LEMD3: variants seen among roughly 807,000 people sequenced by gnomAD.
The protein encoded by LEMD3 is inner nuclear membrane protein Man1.
In LEMD3, 33 loss-of-function variants were observed where a neutral mutation model predicts 95.2. That is an observed-to-expected ratio of 0.35 (90% CI 0.26 to 0.46). LEMD3 has a LOEUF of 0.46. Among genes scored for constraint, LEMD3 ranks in the 20% least tolerant of loss-of-function variants. The pLI is 1.00. For synonymous variants in LEMD3, 525 were observed against 474.6 expected, an observed-to-expected ratio of 1.11 and a Z score of -1.38; for missense variants, 1,210 against 1,192.8, an observed-to-expected ratio of 1.01 and a Z score of -0.21.
In LEMD3 at chr12:65,170,604, G is replaced by A. The variant is rs773266350; in HGVS notation, c.1008G>A (p.Glu336=). ...TAGACAGGAGCCGAAACCTCGAAGA[G>A]GCGGCGGCCGCGGAGCAGGGAGGAG... ...GSLDRSRNLE[E]AAAAEQGGGC... is the part of the protein sequence containing the mutation. Residue 336 remains glutamate (E), a synonymous_variant, in exon 1 of 13, where the codon GAG becomes GAA. Transcript: ENST00000308330. 6.2e-6 allele frequency: 10 copies of A among 1,613,916 alleles called. No homozygotes were observed. Among genetic ancestry groups the A allele is most frequent in the Admixed American group, 1.7e-5 (1 of 60,012 alleles).
At chr12:65,227,103 G>A (rs1870471131) in intron 4 of LEMD3, among the ~76,000 whole-genome samples, 1 of 152,126 alleles carries the variant, frequency 6.6e-6, no homozygotes, top group African/African-American at 2.4e-5. Flanking sequence ...GTTATGGGAT[G>A]GACGAATGTC....
chr12:65,201,100 G>C (rs1869587385), intron 1 of LEMD3, among the ~76,000 whole-genome samples: 1 of 152,094 alleles, frequency 6.6e-6, no homozygotes, highest in Non-Finnish European at 1.5e-5. Flanking sequence ...TCAAAGATCA[G>C]TTGACTGTAT....
At chr12:65,191,351 A>G (rs1453596819) in intron 1 of LEMD3, among the ~76,000 whole-genome samples, 1 of 152,124 alleles carries the variant, frequency 6.6e-6, no homozygotes, top group Non-Finnish European at 1.5e-5. Context: ...TTTTTGTGAC[A>G]TCAGTATTTT....
At chr12:65,193,756 G>GTGTGTGTT (rs1555193005) in intron 1 of LEMD3, among the ~76,000 whole-genome samples, 1 of 150,770 alleles carries the variant, frequency 6.6e-6, no homozygotes, top group Non-Finnish European at 1.5e-5. Context: ...GTGTGTGTGT[G>GTGTGTGTT]TGTGTGTGTG....
chr12:65,195,607 A>G (rs1159006388), intron 1 of LEMD3, among the ~76,000 whole-genome samples: 1 of 152,168 alleles, frequency 6.6e-6, no homozygotes, highest in Non-Finnish European at 1.5e-5. Flanking sequence ...TTTATATCTC[A>G]AAGGCACAGA....
At chr12:65,238,602 T>C (rs1870841535) in intron 5 of LEMD3, 21 bp downstream of exon 5, 8 of 1,611,032 alleles carry the variant, frequency 5.0e-6, no homozygotes, top group East Asian at 2.2e-5. Context: ...TGATTTCCAC[T>C]TTGACCATTC....
chr12:65,198,045 C>T (rs1180797181), intron 1 of LEMD3, among the ~76,000 whole-genome samples: 1 of 152,118 alleles, frequency 6.6e-6, no homozygotes, highest in African/African-American at 2.4e-5. Context: ...TTGCATTGCA[C>T]ATCTCCAAAT....
intron 4 of LEMD3, among the ~76,000 whole-genome samples, chr12:65,225,084 TAAAA>T (rs1269153296): frequency 6.6e-6 from 1 of 152,172 alleles, no homozygotes; most frequent in Non-Finnish European, 1.5e-5. Context: ...TTCTGGGTTT[TAAAA>T]ATATTTTCTG....
At chr12:65,221,353 T>C (rs1225692973) in intron 4 of LEMD3, among the ~76,000 whole-genome samples, 1 of 152,164 alleles carries the variant, frequency 6.6e-6, no homozygotes, top group Non-Finnish European at 1.5e-5. Flanking sequence ...ATATTGATTT[T>C]ATATCTTCCA....
At position 65,210,979 on chromosome 12, in the gene LEMD3, T is replaced by C. The variant is rs779358950; in HGVS notation, c.1560+16T>C. ...AAAAATACAAGTAAGTAAACGATCATAATACTGATAATTTTGTGTCATGTT... is the reference window on the plus strand; with the variant it reads ...AAAAATACAAGTAAGTAAACGATCACAATACTGATAATTTTGTGTCATGTT... On this transcript the variant is annotated intron_variant, in intron 2 of 12. Coordinates refer to ENST00000308330, the MANE Select transcript of LEMD3 (RefSeq NM_014319.5). 3.3e-6 allele frequency: 5 copies of C among 1,537,532 alleles called. No homozygotes were observed. Among genetic ancestry groups the C allele is most frequent in the Non-Finnish European group, 4.5e-6 (5 of 1,110,636 alleles).
chr12:65,240,984 A>G lies in LEMD3; in HGVS notation c.2202A>G (p.Thr734=). Residue 734 remains threonine, a synonymous_variant, in exon 9 of 13, where the codon ACA becomes ACG. Coordinates refer to ENST00000308330, the MANE Select transcript of LEMD3 (RefSeq NM_014319.5). ...ATGAGTCTAGAGTTCGCACGGAAAC[A>G]CGAAGAATAGGTGGTGCAGATTTTC... ...AANESRVRTE[T]RRIGGADFLV... 1.2e-6 allele frequency: 2 copies of G among 1,614,138 alleles called. No individual in the cohort carries two copies. The highest frequency in any genetic ancestry group is 1.7e-6 in the Non-Finnish European group (2 of 1,179,966).
intron 1 of LEMD3, among the ~76,000 whole-genome samples, chr12:65,197,225 C>T (rs1030289647): frequency 6.6e-5 from 10 of 152,096 alleles, no homozygotes; most frequent in Non-Finnish European, 1.5e-4. Flanking sequence ...TAATAGTAGT[C>T]ATATTTCCCA....
chr12:65,232,098 A>G (rs1870647216), intron 4 of LEMD3, among the ~76,000 whole-genome samples: 1 of 152,182 alleles, frequency 6.6e-6, no homozygotes, highest in Non-Finnish European at 1.5e-5. Context: ...ACTTTTAAAA[A>G]TGCTTTTGAT....
chr12:65,200,544 A>G (rs1284858130), intron 1 of LEMD3, among the ~76,000 whole-genome samples: 1 of 152,076 alleles, frequency 6.6e-6, no homozygotes, highest in South Asian at 2.1e-4. Flanking sequence ...AGCCATTCTG[A>G]TAGGTATGTA....
chr12:65,177,522 A>G (rs1484061775), intron 1 of LEMD3, among the ~76,000 whole-genome samples: 1 of 152,122 alleles, frequency 6.6e-6, no homozygotes, highest in Non-Finnish European at 1.5e-5. Flanking sequence ...CTTGGGGCTT[A>G]TTATTTGAGT....
intron 4 of LEMD3, among the ~76,000 whole-genome samples, chr12:65,232,656 T>C (rs990661578): frequency 1.3e-5 from 2 of 152,208 alleles, no homozygotes; most frequent in Non-Finnish European, 2.9e-5. Context: ...TTGTTTTTGA[T>C]ATTGAAAGCT....
At chr12:65,194,703 C>CAATTTATATTTTAGATTATAAT (rs1565784477) in intron 1 of LEMD3, among the ~76,000 whole-genome samples, 3 of 151,442 alleles carry the variant, frequency 2.0e-5, no homozygotes, top group South Asian at 2.1e-4. Context: ...ATATCTATAC[C>CAATTTATATTTTAGATTATAAT]TTAGCAGAAT....
At chr12:65,203,689 G>C (rs900060227) in intron 1 of LEMD3, among the ~76,000 whole-genome samples, 7 of 152,132 alleles carry the variant, frequency 4.6e-5, no homozygotes, top group African/African-American at 1.7e-4. Context: ...TATGCTTACT[G>C]ACTTTCTGCC....
intron 1 of LEMD3, among the ~76,000 whole-genome samples, chr12:65,204,640 A>C (rs547044976): frequency 6.6e-6 from 1 of 152,226 alleles, no homozygotes; most frequent in East Asian, 1.9e-4. Context: ...CAGTGAATAT[A>C]TGTGTGCATA....
Sources: allele counts gnomAD v4.1 joint callset (sites outside exome capture counted in the v4.1 genomes callset), GRCh38; gene constraint gnomAD v4.1.1; transcripts MANE v1.5; gene names NCBI Gene and HGNC (gene_info 2026-07-23, HGNC 2026-07-21).